DYM: variants seen among roughly 807,000 people sequenced by gnomAD.
The protein encoded by DYM is dymeclin.
Under a neutral mutation model 93.1 loss-of-function variants are expected in DYM, and 78 were observed. That is an observed-to-expected ratio of 0.84 (90% CI 0.70 to 1.01). The LOEUF is 1.01. Among genes scored for constraint, DYM ranks in the 50% least tolerant of loss-of-function variants. DYM has a pLI of 0.00. For missense variants in DYM, 789 were observed against 845.0 expected (o/e 0.93, Z 0.82); for synonymous variants, 321 against 319.7 (o/e 1.00, Z -0.04).
chr18:49,267,584 T>C (rs553493093), intron 11 of DYM, among the ~76,000 whole-genome samples: 12 of 152,126 alleles, frequency 7.9e-5, no homozygotes, highest in Non-Finnish European at 1.6e-4. Context: ...GATAGAAATA[T>C]TCTATACCTT....
chr18:49,356,439 T>C (rs2065571102), intron 6 of DYM, among the ~76,000 whole-genome samples: 1 of 152,164 alleles, frequency 6.6e-6, no homozygotes, highest in Admixed American at 6.6e-5. Flanking sequence ...GCCTAATTCA[T>C]TCAGAAAGCT....
At chr18:49,187,330 AG>A (rs1242397822) in intron 14 of DYM, among the ~76,000 whole-genome samples, 1 of 152,182 alleles carries the variant, frequency 6.6e-6, no homozygotes, top group Non-Finnish European at 1.5e-5. Context: ...CCCAATTCTG[AG>A]TATCAACTCT....
At chr18:49,082,743 A>G (rs2078167046) in intron 17 of DYM, among the ~76,000 whole-genome samples, 1 of 152,196 alleles carries the variant, frequency 6.6e-6, no homozygotes, top group Non-Finnish European at 1.5e-5. Flanking sequence ...AAATACAGAC[A>G]GTTTTACTTA....
intron 13 of DYM, among the ~76,000 whole-genome samples, chr18:49,213,387 CCCGGGTTCAAGCAATTCTA>C (rs1303496796): frequency 7.3e-5 from 11 of 151,600 alleles, no homozygotes; most frequent in Admixed American, 2.0e-4. Context: ...ACCTCCGCCT[CCCGGGTTCAAGCAATTCTA>C]CCGGGTTCAA....
intron 17 of DYM, 137 bp from the exon 18 acceptor site, chr18:49,044,341 G>A: frequency 1.1e-6 from 1 of 886,574 alleles, no homozygotes; most frequent in South Asian, 1.4e-5. Flanking sequence ...TGAAAGCTCT[G>A]GGGCTTTAAA....
chr18:49,086,469 C>T (rs1053276896), intron 17 of DYM, among the ~76,000 whole-genome samples: 2 of 152,208 alleles, frequency 1.3e-5, no homozygotes, highest in Non-Finnish European at 2.9e-5. Flanking sequence ...AAAGGCCCCA[C>T]CTCTCAATAC....
At chr18:49,269,937 T>C (rs1236961641) in intron 11 of DYM, among the ~76,000 whole-genome samples, 1 of 152,238 alleles carries the variant, frequency 6.6e-6, no homozygotes, top group Non-Finnish European at 1.5e-5. Flanking sequence ...GTTCCATTCA[T>C]GGTACCCTAT....
At chr18:49,394,094 G>A (rs1277966384) in intron 2 of DYM, among the ~76,000 whole-genome samples, 1 of 152,118 alleles carries the variant, frequency 6.6e-6, no homozygotes, top group African/African-American at 2.4e-5. Context: ...TATACTTAAT[G>A]CCACAGAACT....
At chr18:49,094,097 C>G (rs1486481596) in intron 17 of DYM, among the ~76,000 whole-genome samples, 2 of 152,114 alleles carry the variant, frequency 1.3e-5, no homozygotes, top group Non-Finnish European at 2.9e-5. Context: ...GGTTAATTCC[C>G]CTTGAAAAGC....
rs115134943 is a variant in DYM, at chr18:49,409,457, A to G, written c.141-17812T>C. On this transcript the variant is annotated intron_variant, in intron 2 of 17. Transcript: ENST00000675505. ...AGGAGGTGATGGAAGAGAAACAACC[A>G]TGGCCTTGATGGTAGATCTGCTCTC... Among the ~76,000 whole-genome samples the G allele has an allele frequency of 3.5e-3, 526 of 152,272 alleles. 4 individuals are homozygous for G. The highest frequency in any genetic ancestry group is 0.012 in the African/African-American group (487 of 41,552).
At chr18:49,073,738 G>C (rs2077080359) in intron 17 of DYM, among the ~76,000 whole-genome samples, 1 of 152,098 alleles carries the variant, frequency 6.6e-6, no homozygotes, top group South Asian at 2.1e-4. Context: ...TCTAAAACAA[G>C]GAATGGGGGA....
chr18:49,233,985 C>T (rs748237000), intron 13 of DYM, among the ~76,000 whole-genome samples: 4 of 151,916 alleles, frequency 2.6e-5, no homozygotes, highest in East Asian at 3.9e-4. Context: ...AAAAATTAGC[C>T]GGGCATGGTA....
chr18:49,065,429 C>T (rs1940830464), intron 17 of DYM, among the ~76,000 whole-genome samples: 1 of 152,180 alleles, frequency 6.6e-6, no homozygotes. Context: ...ATGGTGCGAT[C>T]TTGGCTCACC....
intron 15 of DYM, among the ~76,000 whole-genome samples, chr18:49,157,166 C>T (rs2086559176): frequency 6.6e-6 from 1 of 152,082 alleles, no homozygotes. Context: ...CCCAGATGTT[C>T]CCAGACAGAT....
In DYM at chr18:49,183,654, T is replaced by G. The variant is rs542967204; in HGVS notation, c.1626-19867A>C. On this transcript the variant is annotated intron_variant, in intron 14 of 17. Transcript: ENST00000675505. ...TCTGCCTCTTTGATGCCTAGCGTAG[T>G]GCCTGTACATTTAACAGGGTCTCAA... Among the ~76,000 whole-genome samples the G allele has an allele frequency of 2.0e-5, 3 of 152,322 alleles. No homozygotes were observed. The East Asian group carries it at 5.8e-4, about 29-fold the overall frequency.
chr18:49,216,164 G>GCTATAA (rs2093032341), intron 13 of DYM, among the ~76,000 whole-genome samples: 1 of 152,216 alleles, frequency 6.6e-6, no homozygotes, highest in African/African-American at 2.4e-5. Flanking sequence ...ACAGCAGTCT[G>GCTATAA]AGATCAAACT....
chr18:49,202,645 G>C (rs1175544612), intron 14 of DYM, among the ~76,000 whole-genome samples: 8 of 106,326 alleles, frequency 7.5e-5, no homozygotes, highest in African/African-American at 3.0e-4. Flanking sequence ...CTGCCCCGCC[G>C]CCCCATCTGG....
In DYM at chr18:49,446,304, G is replaced by C. The variant is rs554291473; in HGVS notation, c.-54+14094C>G. On this transcript the variant is annotated intron_variant, in intron 1 of 17. Transcript: ENST00000675505. ...AGAGACAGAGTTCTTAAAAGTAACT[G>C]CCTCTGAAAATGAGATTAAAAAGTG... 2.0e-5 allele frequency among the ~76,000 whole-genome samples: 3 copies of C among 152,234 alleles called. No individual in the cohort carries two copies. The South Asian group carries it at 6.2e-4, about 32-fold the overall frequency.
chr18:49,414,012 AAAAGAAAG>A (rs140966484), intron 2 of DYM, among the ~76,000 whole-genome samples: 4 of 151,892 alleles, frequency 2.6e-5, no homozygotes, highest in African/African-American at 4.8e-5. Context: ...TCTGTCTCAA[AAAAGAAAG>A]AAAGAAAGAA....
Sources: gnomAD v4.1 joint callset for allele counts (sites outside exome capture counted in the v4.1 genomes callset) on GRCh38, gnomAD v4.1.1 for gene constraint, MANE v1.5 for transcripts, NCBI Gene and HGNC (gene_info 2026-07-23, HGNC 2026-07-21) for gene names.